The following XPO7 variants were observed in gnomAD, a reference collection of about 807,000 sequenced individuals.
XPO7 encodes exportin-7.
Under a neutral mutation model 144.3 loss-of-function variants are expected in XPO7, and 21 were observed. That is an observed-to-expected ratio of 0.15 (90% CI 0.10 to 0.21). The LOEUF (loss-of-function observed/expected upper bound fraction) is 0.21. Ranked by LOEUF, XPO7 falls within the 10% of genes least tolerant of loss-of-function variation. The pLI is 1.00. For synonymous variants in XPO7, 580 were observed against 499.6 expected, an observed-to-expected ratio of 1.16 and a Z score of -2.15; for missense variants, 808 against 1,325.8, an observed-to-expected ratio of 0.61 and a Z score of 6.06.
Position 21,970,369 on chromosome 8 carries a change from A to AACACAC in XPO7, c.426+77_426+82dup, listed in dbSNP as rs140784168. ...GAGAACCAGCATATACATATATATAAACACACACACACACACACACACAAC... is the reference window on the plus strand; with the variant it reads ...GAGAACCAGCATATACATATATATAAACACACACACACACACACACACACACACAAC... On this transcript the variant is annotated intron_variant, in intron 4 of 27. Coordinates refer to ENST00000252512, the MANE Select transcript of XPO7 (RefSeq NM_015024.5). 7.1e-3 allele frequency: 8,099 copies of AACACAC among 1,134,296 alleles called. 15 individuals are homozygous for AACACAC. The highest frequency in any genetic ancestry group is 0.029 in the East Asian group (1,085 of 37,594). The allele number at this position is 1,134,296 out of a possible 1,614,324, so 70.3% of individuals were successfully genotyped here. A position where few individuals can be genotyped will look rare whatever the true frequency, so the allele number is the denominator to read the frequency against.
chr8:21,987,056 A>G (rs567775095), intron 13 of XPO7, 85 bp from the exon 14 acceptor site: 169 of 1,583,490 alleles, frequency 1.1e-4, no homozygotes, highest in Non-Finnish European at 1.3e-4. Context: ...GTACAGGCAT[A>G]TACGACCATG....
At chr8:21,976,543 C>T (rs367684660) in intron 7 of XPO7, 22 bp downstream of exon 7, 89 of 1,601,274 alleles carry the variant, frequency 5.6e-5, no homozygotes, top group Non-Finnish European at 7.0e-5. Context: ...TCCTCCACCT[C>T]AAAGGCTGTC....
intron 1 of XPO7, among the ~76,000 whole-genome samples, chr8:21,933,109 T>G (rs1047960798): frequency 5.6e-4 from 84 of 149,242 alleles, no homozygotes; most frequent in African/African-American, 2.0e-3. Flanking sequence ...TTTTTTTTTT[T>G]TTTTTTTTTG....
intron 21 of XPO7, 121 bp downstream of exon 21, chr8:21,995,720 C>A (rs1274477726): frequency 2.8e-6 from 2 of 708,872 alleles, no homozygotes; most frequent in Non-Finnish European, 2.1e-6. Flanking sequence ...TTTTAAAATT[C>A]GAAAAGTTTT....
At chr8:21,920,161 CT>C (rs1410745904) in intron 1 of XPO7, among the ~76,000 whole-genome samples, 1 of 141,172 alleles carries the variant, frequency 7.1e-6, no homozygotes, top group Non-Finnish European at 1.6e-5. Flanking sequence ...CCCTTGCTGA[CT>C]TTACTGAGGG....
At chr8:21,944,008 ATC>A (rs1479686012) in intron 1 of XPO7, among the ~76,000 whole-genome samples, 2 of 152,190 alleles carry the variant, frequency 1.3e-5, no homozygotes, top group African/African-American at 4.8e-5. Context: ...GTTTGATAAA[ATC>A]TCTCTGAATA....
intron 1 of XPO7, among the ~76,000 whole-genome samples, chr8:21,931,729 A>G (rs1810656692): frequency 6.6e-6 from 1 of 152,182 alleles, no homozygotes; most frequent in Non-Finnish European, 1.5e-5. Flanking sequence ...TTCTACCTTA[A>G]CTACTCTTGG....
intron 1 of XPO7, among the ~76,000 whole-genome samples, chr8:21,952,269 A>G (rs1811398442): frequency 6.6e-6 from 1 of 152,056 alleles, no homozygotes; most frequent in South Asian, 2.1e-4. Context: ...ACAAATCTAC[A>G]ATTTAGTATC....
chr8:21,948,471 A>G (rs1811264263), intron 1 of XPO7, among the ~76,000 whole-genome samples: 1 of 152,074 alleles, frequency 6.6e-6, no homozygotes. Context: ...GTGTAAGTAC[A>G]CTCTGATGTT....
At chr8:21,974,415 A>G (rs908361600) in intron 5 of XPO7, among the ~76,000 whole-genome samples, 2 of 152,160 alleles carry the variant, frequency 1.3e-5, no homozygotes, top group African/African-American at 4.8e-5. Context: ...AGAGGAAAAT[A>G]AGAATTTGCA....
intron 19 of XPO7, among the ~76,000 whole-genome samples, chr8:21,993,419 G>T (rs927871684): frequency 2.0e-5 from 3 of 152,148 alleles, no homozygotes; most frequent in Non-Finnish European, 4.4e-5. Context: ...TAACAGAAGT[G>T]ATGTCGTTTT....
At chr8:21,939,244 G>T (rs1810915879) in intron 1 of XPO7, among the ~76,000 whole-genome samples, 1 of 138,096 alleles carries the variant, frequency 7.2e-6, no homozygotes, top group Non-Finnish European at 1.5e-5. Context: ...TTTTTGAGAT[G>T]GAGTTTCGCT....
chr8:21,975,951 G>C (rs1172108264), intron 6 of XPO7, among the ~76,000 whole-genome samples: 2 of 152,122 alleles, frequency 1.3e-5, no homozygotes, highest in Admixed American at 6.5e-5. Context: ...AGTAGGGCAG[G>C]GTGTTAAGCA....
chr8:21,960,036 A>G (rs1451996511), intron 1 of XPO7, among the ~76,000 whole-genome samples: 1 of 152,198 alleles, frequency 6.6e-6, no homozygotes, highest in East Asian at 1.9e-4. Flanking sequence ...ACATCCAGGA[A>G]TGAACCACTG....
At chr8:21,984,878 G>A in intron 12 of XPO7, 39 bp downstream of exon 12, 1 of 1,604,162 alleles carries the variant, frequency 6.2e-7, no homozygotes, top group East Asian at 2.2e-5. Context: ...GACCTGTGAG[G>A]AGATGTTGTC....
intron 1 of XPO7, among the ~76,000 whole-genome samples, chr8:21,920,827 G>A (rs1810256505): frequency 6.6e-6 from 1 of 152,206 alleles, no homozygotes; most frequent in Non-Finnish European, 1.5e-5. Context: ...GGAAAGATTA[G>A]AGGGCAAGAA....
chr8:21,934,693 C>G (rs900535748), intron 1 of XPO7, among the ~76,000 whole-genome samples: 5 of 152,136 alleles, frequency 3.3e-5, no homozygotes, highest in Admixed American at 1.3e-4. Context: ...GGAGACATCC[C>G]AACTGAAGCT....
At chr8:22,003,084 C>T in intron 25 of XPO7, 135 bp from the exon 26 acceptor site, 1 of 510,442 alleles carries the variant, frequency 2.0e-6, no homozygotes, top group East Asian at 3.5e-5. Context: ...GATGAAGCTT[C>T]ACAAACTATT....
At chr8:22,000,688 C>T (rs1813111513) in intron 24 of XPO7, among the ~76,000 whole-genome samples, 1 of 152,088 alleles carries the variant, frequency 6.6e-6, no homozygotes, top group African/African-American at 2.4e-5. Flanking sequence ...CTCCTGACCT[C>T]ATGATCCGCC....
Sources: allele counts gnomAD v4.1 joint callset (sites outside exome capture counted in the v4.1 genomes callset), GRCh38; gene constraint gnomAD v4.1.1; transcripts MANE v1.5; gene names NCBI Gene and HGNC (gene_info 2026-07-23, HGNC 2026-07-21).